SELP: variants seen among roughly 807,000 people sequenced by gnomAD.
The protein encoded by SELP is P-selectin.
SELP carries 92 observed loss-of-function variants against 104.1 expected under a neutral mutation model. The ratio of observed to expected loss-of-function variants is 0.88; its 90% CI spans 0.75 to 1.05. The LOEUF (loss-of-function observed/expected upper bound fraction) is 1.05, where lower values mean the gene tolerates loss of function less well. Among genes scored for constraint, SELP ranks in the 50% least tolerant of loss-of-function variants. The probability of loss-of-function intolerance (pLI) is 0.00; values close to 1 mark genes in which losing one functional copy is unlikely to be tolerated. For missense variants in SELP, 1,022 were observed against 1,017.3 expected, an observed-to-expected ratio of 1.00 and a Z score of -0.06; for synonymous variants, 397 against 364.5, an observed-to-expected ratio of 1.09 and a Z score of -1.01.
intron 9 of SELP, among the ~76,000 whole-genome samples, chr1:169,605,649 C>A (rs2223303): frequency 6.6e-6 from 1 of 151,884 alleles, no homozygotes; most frequent in Non-Finnish European, 1.5e-5. Context: ...TAGTCTTTTA[C>A]CCATTCAACT....
At position 169,612,350 on chromosome 1, in the gene SELP, A is replaced by G. The variant is rs1662584381; in HGVS notation, c.828T>C (p.Leu276=). The G allele has an allele frequency of 6.2e-7, 1 of 1,614,018 alleles. No homozygotes were observed. Among genetic ancestry groups the G allele is most frequent in the African/African-American group, 1.3e-5 (1 of 74,906 alleles). ...KIPERGNMTC[L]HSAKAFQHQS... ...GATGCTGGAATGCTTTTGCAGAATG[A>G]AGGCAGGTCATGTTTCCTCGTTCAG... The change falls in exon 6 of 17, where the codon CTT becomes CTC. Residue 276 remains leucine (L), a synonymous_variant. Transcript: ENST00000263686.
chr1:169,596,330 TC>T (rs1288586555), intron 11 of SELP, among the ~76,000 whole-genome samples, 196 bp from the exon 12 acceptor site: 37 of 152,264 alleles, frequency 2.4e-4, no homozygotes, highest in African/African-American at 8.7e-4. Flanking sequence ...TTAAAAATCA[TC>T]CTTGAGGAGA....
chr1:169,622,076 A>T (rs1663163587), intron 1 of SELP, among the ~76,000 whole-genome samples: 1 of 152,176 alleles, frequency 6.6e-6, no homozygotes, highest in African/African-American at 2.4e-5. Flanking sequence ...CCTTTCTCCC[A>T]CTTTATAAGA....
At chr1:169,606,312 G>A (rs532482060) in intron 9 of SELP, among the ~76,000 whole-genome samples, 9 of 152,248 alleles carry the variant, frequency 5.9e-5, no homozygotes, top group African/African-American at 1.4e-4. Flanking sequence ...GTGAGACTCC[G>A]TCTCAAAAAA....
intron 12 of SELP, among the ~76,000 whole-genome samples, chr1:169,595,556 T>C (rs912970079): frequency 2.0e-5 from 3 of 152,168 alleles, no homozygotes; most frequent in African/African-American, 4.8e-5. Flanking sequence ...TTTATTTAGG[T>C]TCAAATTATT....
chr1:169,589,615 AT>A (rs1289832867), intron 16 of SELP, 154 bp from the exon 17 acceptor site: 1 of 152,326 alleles, frequency 6.6e-6, no homozygotes, highest in Non-Finnish European at 1.5e-5. Flanking sequence ...CCTTAAAAAA[AT>A]AAAAGAAAGA....
chr1:169,614,062 T>C (rs1662690388), intron 3 of SELP, among the ~76,000 whole-genome samples: 3 of 152,222 alleles, frequency 2.0e-5, no homozygotes, highest in African/African-American at 7.2e-5. Flanking sequence ...CAATGTCACG[T>C]ATTACTGCAT....
Position 169,612,336 on chromosome 1 carries a change from G to A in SELP, c.842C>T (p.Ala281Val). The A allele has an allele frequency of 2.5e-6, 4 of 1,614,136 alleles. No individual in the cohort carries two copies. Among genetic ancestry groups the A allele is most frequent in the Non-Finnish European group, 3.4e-6 (4 of 1,180,002 alleles). Residue 281 changes from alanine to valine, a missense_variant, in exon 6 of 17, where the codon GCA becomes GTA. Physicochemically the swap from Ala to Val is moderately conservative, Grantham distance 64 (BLOSUM62 0). Coordinates refer to ENST00000263686, the MANE Select transcript of SELP (RefSeq NM_003005.4). ...GCTGCAGCTAGACTGATGCTGGAAT[G>A]CTTTTGCAGAATGAAGGCAGGTCAT... ...GNMTCLHSAKAFQHQSSCSFS... is the reference protein window; with the variant it reads ...GNMTCLHSAKVFQHQSSCSFS...
intron 3 of SELP, 123 bp from the exon 4 acceptor site, chr1:169,613,816 AG>A: frequency 1.3e-6 from 1 of 754,182 alleles, no homozygotes; most frequent in Non-Finnish European, 2.3e-6. Flanking sequence ...ACAAGAGGGA[AG>A]CACAGTATCT....
chr1:169,604,345 A>G (rs992931896), intron 9 of SELP, among the ~76,000 whole-genome samples: 2 of 151,860 alleles, frequency 1.3e-5, no homozygotes, highest in African/African-American at 2.4e-5. Context: ...TAGATTCTGG[A>G]TATTAGCCCT....
intron 8 of SELP, among the ~76,000 whole-genome samples, chr1:169,608,368 C>G (rs573377356): frequency 6.6e-6 from 1 of 152,222 alleles, no homozygotes; most frequent in African/African-American, 2.4e-5. Context: ...CCCTATTTCC[C>G]TCTTCCGCCG....
chr1:169,597,231 G>T, intron 10 of SELP, 55 bp from the exon 11 acceptor site: 1 of 1,429,120 alleles, frequency 7.0e-7, no homozygotes, highest in Non-Finnish European at 9.4e-7. Context: ...GAAGTTCTGT[G>T]TTACACAAAG....
intron 11 of SELP, 64 bp from the exon 12 acceptor site, chr1:169,596,198 G>C (rs902882459): frequency 1.3e-5 from 18 of 1,412,496 alleles, no homozygotes; most frequent in African/African-American, 2.9e-5. Context: ...ACAGAGTTAA[G>C]GCTAATCTGG....
At chr1:169,606,489 G>A (rs1662201719) in intron 9 of SELP, among the ~76,000 whole-genome samples, 1 of 152,132 alleles carries the variant, frequency 6.6e-6, no homozygotes, top group South Asian at 2.1e-4. Context: ...AGATCTTGGA[G>A]TGTTTGCAAC....
At chr1:169,611,957 T>C (rs904796565) in intron 6 of SELP, among the ~76,000 whole-genome samples, 2 of 152,140 alleles carry the variant, frequency 1.3e-5, no homozygotes, top group African/African-American at 4.8e-5. Context: ...CTTATAGATG[T>C]AGAGGCCACC....
At chr1:169,591,867 T>C (rs1378842084) in intron 14 of SELP, among the ~76,000 whole-genome samples, 4 of 152,242 alleles carry the variant, frequency 2.6e-5, no homozygotes, top group Non-Finnish European at 5.9e-5. Context: ...AATTTTCAGC[T>C]ATGGCTGCAG....
At chr1:169,615,219 C>T (rs1393572035) in intron 3 of SELP, among the ~76,000 whole-genome samples, 4 of 152,178 alleles carry the variant, frequency 2.6e-5, no homozygotes, top group Non-Finnish European at 5.9e-5. Flanking sequence ...TTTCATATTA[C>T]AGTAAATATA....
chr1:169,605,548 C>T (rs1202473027), intron 9 of SELP, among the ~76,000 whole-genome samples: 8 of 151,812 alleles, frequency 5.3e-5, no homozygotes, highest in Non-Finnish European at 7.4e-5. Flanking sequence ...GAGTGGTTTC[C>T]TTTTAGTAAA....
intron 1 of SELP, among the ~76,000 whole-genome samples, chr1:169,629,196 A>C (rs936670488): frequency 8.5e-5 from 13 of 152,316 alleles, no homozygotes; most frequent in African/African-American, 3.1e-4. Context: ...ATGCCTAGCT[A>C]TCCTTGGATC....
Sources: gnomAD v4.1 joint callset for allele counts (sites outside exome capture counted in the v4.1 genomes callset) on GRCh38, gnomAD v4.1.1 for gene constraint, MANE v1.5 for transcripts, NCBI Gene and HGNC (gene_info 2026-07-23, HGNC 2026-07-21) for gene names.